The following PCDHA1 variants were observed in gnomAD, a reference collection of about 807,000 sequenced individuals.
The protein encoded by PCDHA1 is protocadherin alpha 1, also known as protocadherin alpha-1.
In PCDHA1, 42 loss-of-function variants were observed where a neutral mutation model predicts 61.3. That is an observed-to-expected ratio of 0.69 (90% CI 0.54 to 0.89). The LOEUF (loss-of-function observed/expected upper bound fraction) is 0.89. PCDHA1 is among the 40% of genes least tolerant of loss of function. The probability of loss-of-function intolerance (pLI) is 0.00; values close to 1 mark genes in which losing one functional copy is unlikely to be tolerated. For synonymous variants in PCDHA1, 610 were observed against 553.8 expected, an observed-to-expected ratio of 1.10 and a Z score of -1.43; for missense variants, 1,256 against 1,235.3, an observed-to-expected ratio of 1.02 and a Z score of -0.25.
chr5:140,939,733 C>T (rs1433987863), intron 1 of PCDHA1, among the ~76,000 whole-genome samples: 2 of 152,162 alleles, frequency 1.3e-5, no homozygotes, highest in Non-Finnish European at 2.9e-5. Flanking sequence ...TTGTGTGTAG[C>T]TGTGTATCAT....
intron 1 of PCDHA1, chr5:140,796,138 C>A: frequency 6.2e-7 from 1 of 1,614,198 alleles, no homozygotes; most frequent in East Asian, 2.2e-5. Flanking sequence ...CCTGACGCCC[C>A]ACGTCCCTTT....
chr5:140,874,211 A>G (rs1257270226), intron 1 of PCDHA1, among the ~76,000 whole-genome samples: 1 of 152,220 alleles, frequency 6.6e-6, no homozygotes, highest in African/African-American at 2.4e-5. Context: ...CTTTATTATT[A>G]TATGCAGTAG....
intron 1 of PCDHA1, chr5:140,803,508 G>A (rs1763222115): frequency 6.2e-7 from 1 of 1,614,240 alleles, no homozygotes; most frequent in Non-Finnish European, 8.5e-7. Flanking sequence ...CGACCTCATG[G>A]CTTTTAGCCC....
intron 1 of PCDHA1, chr5:140,866,970 A>T (rs545469392): frequency 6.6e-6 from 1 of 152,296 alleles, no homozygotes; most frequent in African/African-American, 2.4e-5. Flanking sequence ...GTGACATCTG[A>T]AATATCACAG....
Position 141,010,322 on chromosome 5 carries a change from C to G in PCDHA1, c.*385C>G. 6.5e-7 allele frequency: 1 copy of G among 1,540,986 alleles called. No homozygotes were observed. The highest frequency in any genetic ancestry group is 8.7e-7 in the Non-Finnish European group (1 of 1,143,174). Reference sequence around the variant, plus strand: ...GCTGAAAAGTTTTGAGATTGAGCAGCTTGGGAGTTTGTGGCCACTGGGTAT... The same window carrying G: ...GCTGAAAAGTTTTGAGATTGAGCAGGTTGGGAGTTTGTGGCCACTGGGTAT... On this transcript the variant is annotated 3_prime_UTR_variant, in exon 4 of 4. Transcript: ENST00000504120.
At chr5:140,863,693 C>G (rs2048122696) in intron 1 of PCDHA1, 2 of 301,444 alleles carry the variant, frequency 6.6e-6, no homozygotes, top group African/African-American at 2.2e-5. Flanking sequence ...TTTTGAGATG[C>G]TTTATTTAAA....
chr5:140,829,627 G>C, intron 1 of PCDHA1: 1 of 1,612,248 alleles, frequency 6.2e-7, no homozygotes, highest in Non-Finnish European at 8.5e-7. Context: ...CGGTGCACGC[G>C]GAGAGCGGCA....
At chr5:140,934,636 G>A (rs782329021) in intron 1 of PCDHA1, among the ~76,000 whole-genome samples, 17 of 151,974 alleles carry the variant, frequency 1.1e-4, no homozygotes, top group Non-Finnish European at 1.9e-4. Flanking sequence ...CACAGGAAAG[G>A]CAGGATAAAT....
chr5:140,787,649 T>A lies in PCDHA1; in HGVS notation c.1359T>A (p.Pro453=), dbSNP rs781926977. The A allele has an allele frequency of 6.2e-7, 1 of 1,613,766 alleles. No individual in the cohort carries two copies. Among genetic ancestry groups the A allele is most frequent in the Admixed American group, 1.7e-5 (1 of 60,000 alleles). ...TGGCCGACGTGAATGACAACGCGCCTGCGTTCGCGCAGCCCGAGTACACAG... is the reference window on the plus strand; with the variant it reads ...TGGCCGACGTGAATGACAACGCGCCAGCGTTCGCGCAGCCCGAGTACACAG... The part of the protein sequence containing the change: ...VEVADVNDNA[P]AFAQPEYTVF... Residue 453 remains proline (P), a synonymous_variant, in exon 1 of 4, where the codon CCT becomes CCA. Coordinates refer to ENST00000504120, the MANE Select transcript of PCDHA1 (RefSeq NM_018900.4).
intron 1 of PCDHA1, chr5:140,822,375 T>C: frequency 1.2e-6 from 2 of 1,614,082 alleles, no homozygotes; most frequent in Non-Finnish European, 1.7e-6. Flanking sequence ...AATCCTTAGA[T>C]AGAGAAGAAA....
intron 1 of PCDHA1, among the ~76,000 whole-genome samples, chr5:140,845,576 A>G (rs1779934940): frequency 6.7e-6 from 1 of 149,490 alleles, no homozygotes; most frequent in Non-Finnish European, 1.5e-5. Flanking sequence ...AATTTCTGGG[A>G]TTGAAATGTG....
At chr5:140,843,439 G>A (rs2150360020) in intron 1 of PCDHA1, 5 of 1,596,092 alleles carry the variant, frequency 3.1e-6, no homozygotes, top group South Asian at 1.1e-5. Context: ...CCATCTGCGC[G>A]GTATCCAGCC....
chr5:140,995,685 T>C (rs951521178), intron 3 of PCDHA1, among the ~76,000 whole-genome samples: 8 of 152,186 alleles, frequency 5.3e-5, no homozygotes, highest in African/African-American at 1.9e-4. Flanking sequence ...TTTTTTTTAA[T>C]TGTTAAATAA....
At chr5:140,841,613 C>A in intron 1 of PCDHA1, 3 of 1,614,080 alleles carry the variant, frequency 1.9e-6, no homozygotes, top group Non-Finnish European at 2.5e-6. Context: ...GCTGTGCGGG[C>A]GGAGCGCGGA....
chr5:140,822,217 GA>G, intron 1 of PCDHA1: 1 of 1,614,270 alleles, frequency 6.2e-7, no homozygotes, highest in Non-Finnish European at 8.5e-7. Flanking sequence ...AAGAATGCCA[GA>G]TTCGCGGTTT....
intron 1 of PCDHA1, among the ~76,000 whole-genome samples, chr5:140,916,262 G>C (rs1379588605): frequency 6.6e-6 from 1 of 152,202 alleles, no homozygotes; most frequent in Non-Finnish European, 1.5e-5. Flanking sequence ...GACCCCAAGA[G>C]CATGCTTGTT....
At chr5:140,911,592 A>G (rs1255304289) in intron 1 of PCDHA1, among the ~76,000 whole-genome samples, 1 of 152,212 alleles carries the variant, frequency 6.6e-6, no homozygotes, top group Non-Finnish European at 1.5e-5. Flanking sequence ...GGAGGAACCA[A>G]CCAACTTCAT....
At chr5:140,843,940 T>G in intron 1 of PCDHA1, 1 of 573,966 alleles carries the variant, frequency 1.7e-6, no homozygotes, top group East Asian at 2.9e-5. Context: ...TATGGTTGGA[T>G]GATATCCATT....
intron 1 of PCDHA1, chr5:140,968,479 C>T (rs2096250195): frequency 1.2e-6 from 2 of 1,614,010 alleles, no homozygotes; most frequent in South Asian, 2.2e-5. Flanking sequence ...ATGTGGTGGA[C>T]ATGAATGACC....
Sources: allele counts gnomAD v4.1 joint callset (sites outside exome capture counted in the v4.1 genomes callset), GRCh38; gene constraint gnomAD v4.1.1; transcripts MANE v1.5; gene names NCBI Gene and HGNC (gene_info 2026-07-23, HGNC 2026-07-21).